ITPR2: variants seen among roughly 807,000 people sequenced by gnomAD.
ITPR2 encodes the protein inositol 1,4,5-trisphosphate receptor type 2.
ITPR2 carries 207 observed loss-of-function variants against 317.1 expected under a neutral mutation model. The observed-to-expected ratio is 0.65, with a 90% CI of 0.58 to 0.73. The LOEUF is 0.73. ITPR2 is among the 30% of genes least tolerant of loss of function. ITPR2 has a pLI of 0.00. For missense variants in ITPR2, 2,613 were observed against 3,284.0 expected, an observed-to-expected ratio of 0.80 and a Z score of 4.99; for synonymous variants, 1,156 against 1,149.1, an observed-to-expected ratio of 1.01 and a Z score of -0.12.
chr12:26,722,698 A>C, intron 4 of ITPR2, 143 bp from the exon 5 acceptor site: 1 of 548,156 alleles, frequency 1.8e-6, no homozygotes, highest in Non-Finnish European at 3.0e-6. Flanking sequence ...CAGCCTCCAC[A>C]CTCACCATCT....
In ITPR2 at chr12:26,431,233, T is replaced by C. The variant is rs531068278; in HGVS notation, c.6770-3145A>G. Among the ~76,000 whole-genome samples, 19 of 152,340 alleles carry C rather than the reference T, an allele frequency of 1.2e-4. No individual in the cohort carries two copies. In the South Asian group the frequency reaches 3.5e-3, roughly 28 times the overall value. On this transcript the variant is annotated intron_variant, in intron 48 of 56. Coordinates refer to ENST00000381340, the MANE Select transcript of ITPR2 (RefSeq NM_002223.4). ...AAAAGAATTACACTACAAATTCTAA[T>C]ATAATTTTTTAAAATCACATACTAT... is the stretch of plus-strand genomic sequence containing the variant.
At chr12:26,749,293 T>C (rs941373287) in intron 2 of ITPR2, among the ~76,000 whole-genome samples, 3 of 152,238 alleles carry the variant, frequency 2.0e-5, no homozygotes, top group African/African-American at 4.8e-5. Flanking sequence ...ATATGACTCA[T>C]ACATTTCTGG....
In ITPR2 at chr12:26,715,287, A is replaced by T. The variant is rs758186305; in HGVS notation, c.855+12T>A. The T allele has an allele frequency of 6.2e-6, 10 of 1,601,248 alleles. No homozygotes were observed. The highest frequency in any genetic ancestry group is 8.5e-6 in the Non-Finnish European group (10 of 1,174,914). ...CTAAATATTTATTAAGTGCCAAAAA[A>T]CATTTACATACCTCTATTTCCCAGA... On this transcript the variant is annotated intron_variant, in intron 8 of 56. Transcript: ENST00000381340.
At chr12:26,658,530 T>C (rs1239267605) in intron 16 of ITPR2, among the ~76,000 whole-genome samples, 1 of 152,242 alleles carries the variant, frequency 6.6e-6, no homozygotes, top group Non-Finnish European at 1.5e-5. Context: ...TGAAAATTAC[T>C]ATGACCTGGT....
At chr12:26,375,299 T>A (rs1939303094) in intron 55 of ITPR2, among the ~76,000 whole-genome samples, 1 of 152,202 alleles carries the variant, frequency 6.6e-6, no homozygotes, top group African/African-American at 2.4e-5. Flanking sequence ...GAAGTGAACA[T>A]CCCTTCATAA....
intron 2 of ITPR2, among the ~76,000 whole-genome samples, chr12:26,750,989 A>G (rs1195423824): frequency 1.3e-5 from 2 of 152,196 alleles, no homozygotes; most frequent in East Asian, 3.8e-4. Flanking sequence ...ACACCGCCCA[A>G]GCAACGAAAA....
intron 55 of ITPR2, among the ~76,000 whole-genome samples, chr12:26,380,953 T>C (rs1165458766): frequency 6.6e-6 from 1 of 152,258 alleles, no homozygotes; most frequent in Non-Finnish European, 1.5e-5. Flanking sequence ...CATTAAAGTA[T>C]GACCTTTCTT....
chr12:26,770,827 C>G (rs1949826670), intron 2 of ITPR2, among the ~76,000 whole-genome samples: 2 of 152,162 alleles, frequency 1.3e-5, no homozygotes, highest in South Asian at 4.1e-4. Context: ...TGGCTTAAAA[C>G]AACAGCAATT....
At chr12:26,695,784 A>C in intron 9 of ITPR2, 134 bp from the exon 10 acceptor site, 2 of 634,894 alleles carry the variant, frequency 3.2e-6, no homozygotes, top group South Asian at 4.2e-5. Context: ...AGAAACTATT[A>C]GTAAATATGA....
intron 2 of ITPR2, among the ~76,000 whole-genome samples, chr12:26,740,242 C>A (rs1949206005): frequency 6.6e-6 from 1 of 152,178 alleles, no homozygotes; most frequent in Admixed American, 6.5e-5. Context: ...ACTATTGAGT[C>A]ATGCCAAAAA....
intron 21 of ITPR2, among the ~76,000 whole-genome samples, chr12:26,642,085 G>A (rs1435801457): frequency 6.6e-6 from 1 of 152,142 alleles, no homozygotes; most frequent in Non-Finnish European, 1.5e-5. Flanking sequence ...CAGCTCCTGA[G>A]GAACAGCATC....
At chr12:26,460,946 G>A (rs544239305) in intron 45 of ITPR2, among the ~76,000 whole-genome samples, 195 of 152,124 alleles carry the variant, frequency 1.3e-3, no homozygotes, top group Non-Finnish European at 1.6e-3. Context: ...TATTCTACTC[G>A]ATTCATCCAC....
intron 2 of ITPR2, chr12:26,726,158 T>A (rs1440028689): frequency 6.3e-6 from 1 of 158,802 alleles, no homozygotes; most frequent in Non-Finnish European, 1.4e-5. Flanking sequence ...ATTGGTGCTG[T>A]GTATATTTGA....
intron 37 of ITPR2, among the ~76,000 whole-genome samples, chr12:26,516,409 G>C (rs1281931671): frequency 6.6e-6 from 1 of 151,812 alleles, no homozygotes; most frequent in Non-Finnish European, 1.5e-5. Context: ...CATCAGAGTG[G>C]CCATATTTTT....
Position 26,599,352 on chromosome 12 carries a change from A to G in ITPR2, c.3802-7T>C. 1 of 1,613,198 alleles carries G rather than the reference A, an allele frequency of 6.2e-7. No individual in the cohort carries two copies. Among genetic ancestry groups the G allele is most frequent in the Non-Finnish European group, 8.5e-7 (1 of 1,179,112 alleles). On this transcript the variant is annotated splice_polypyrimidine_tract_variant and splice_region_variant and intron_variant, in intron 29 of 56. Transcript: ENST00000381340. ...TGGTTTCTGCTTCAAGGAGCTAAAC[A>G]CAGAGGAACATGCCCTTGTAATTCT...
intron 45 of ITPR2, among the ~76,000 whole-genome samples, chr12:26,448,123 T>A (rs1941655344): frequency 6.6e-6 from 1 of 151,934 alleles, no homozygotes; most frequent in African/African-American, 2.4e-5. Flanking sequence ...CTGTGGTGAG[T>A]TGTAACAATA....
intron 37 of ITPR2, 63 bp from the exon 38 acceptor site, chr12:26,495,323 A>G: frequency 1.1e-6 from 1 of 888,532 alleles, no homozygotes; most frequent in Non-Finnish European, 1.8e-6. Flanking sequence ...AAATGTCAGT[A>G]TGTTAAATGC....
At chr12:26,446,348 A>C (rs1941609167) in intron 45 of ITPR2, among the ~76,000 whole-genome samples, 1 of 152,112 alleles carries the variant, frequency 6.6e-6, no homozygotes, top group African/African-American at 2.4e-5. Flanking sequence ...TGAGATACGT[A>C]GTTTTGTTGG....
chr12:26,579,166 T>C (rs1235040861), intron 33 of ITPR2, among the ~76,000 whole-genome samples: 1 of 152,130 alleles, frequency 6.6e-6, no homozygotes, highest in African/African-American at 2.4e-5. Context: ...TGTTTCTGGG[T>C]TGGTTGGTTT....
Sources: gnomAD v4.1 joint callset for allele counts (sites outside exome capture counted in the v4.1 genomes callset) on GRCh38, gnomAD v4.1.1 for gene constraint, MANE v1.5 for transcripts, NCBI Gene and HGNC (gene_info 2026-07-23, HGNC 2026-07-21) for gene names.